Variants in ARFGEF1 observed in about 807,000 individuals in gnomAD.
ARFGEF1 encodes brefeldin A-inhibited guanine nucleotide-exchange protein 1.
ARFGEF1 carries 42 observed loss-of-function variants against 231.0 expected under a neutral mutation model. That is an observed-to-expected ratio of 0.18 (90% CI 0.14 to 0.24). ARFGEF1 has a LOEUF of 0.24. Among genes scored for constraint, ARFGEF1 ranks in the 10% least tolerant of loss-of-function variants. The probability of loss-of-function intolerance (pLI) is 1.00; values close to 1 mark genes in which losing one functional copy is unlikely to be tolerated. For synonymous variants in ARFGEF1, 710 were observed against 732.3 expected, an observed-to-expected ratio of 0.97 and a Z score of 0.49; for missense variants, 1,345 against 2,192.0, an observed-to-expected ratio of 0.61 and a Z score of 7.72.
chr8:67,278,600 C>T (rs1805405882), intron 7 of ARFGEF1, among the ~76,000 whole-genome samples: 1 of 152,136 alleles, frequency 6.6e-6, no homozygotes, highest in Admixed American at 6.5e-5. Flanking sequence ...GTAATCCCAG[C>T]ACTTTGGGAG....
chr8:67,217,516 A>G (rs1348189085), intron 32 of ARFGEF1, among the ~76,000 whole-genome samples: 1 of 152,224 alleles, frequency 6.6e-6, no homozygotes, highest in Non-Finnish European at 1.5e-5. Context: ...AAAATCTTAT[A>G]AAAGTCAGCA....
chr8:67,296,659 T>C (rs779072506), intron 4 of ARFGEF1, 49 bp from the exon 5 acceptor site: 3 of 1,463,046 alleles, frequency 2.1e-6, no homozygotes, highest in African/African-American at 1.4e-5. Flanking sequence ...TTTTTCTTTT[T>C]TTTTTTGGAG....
intron 19 of ARFGEF1, among the ~76,000 whole-genome samples, chr8:67,243,095 C>A (rs1273874713): frequency 6.6e-6 from 1 of 152,156 alleles, no homozygotes; most frequent in African/African-American, 2.4e-5. Context: ...GGGGGTAATC[C>A]AGAGAATTCT....
At chr8:67,202,014 C>A in intron 36 of ARFGEF1, 1 of 174,834 alleles carries the variant, frequency 5.7e-6, no homozygotes, top group Non-Finnish European at 1.2e-5. Context: ...CAGGAAGAGG[C>A]CCAGTGGAAT....
intron 5 of ARFGEF1, chr8:67,190,876 G>A (rs1012516760): frequency 2.8e-6 from 2 of 725,100 alleles, no homozygotes; most frequent in African/African-American, 1.7e-5. Context: ...TCAGACATGG[G>A]TCTGAATCTA....
downstream of ARFGEF1, among the ~76,000 whole-genome samples, chr8:67,194,984 TAAAA>T (rs536803405): frequency 1.7e-3 from 264 of 152,100 alleles, 2 homozygotes; most frequent in African/African-American, 6.2e-3. Flanking sequence ...TTAAAAAAAA[TAAAA>T]AGAAAAAAGA....
chr8:67,239,460 G>A (rs956949597), intron 20 of ARFGEF1, among the ~76,000 whole-genome samples: 16 of 151,668 alleles, frequency 1.1e-4, no homozygotes, highest in Admixed American at 9.2e-4. Flanking sequence ...AAGCAGAAAC[G>A]ACATACATTT....
chr8:67,330,752 C>A (rs768486467), intron 1 of ARFGEF1, among the ~76,000 whole-genome samples: 59 of 152,120 alleles, frequency 3.9e-4, no homozygotes, highest in Non-Finnish European at 8.4e-4. Context: ...AAGATCAAAG[C>A]ACATCAGAAA....
intron 1 of ARFGEF1, among the ~76,000 whole-genome samples, chr8:67,303,164 G>A (rs1381046803): frequency 6.6e-6 from 1 of 151,878 alleles, no homozygotes; most frequent in South Asian, 2.1e-4. Context: ...CAAAATGTAC[G>A]GCAGATGTTT....
chr8:67,320,018 C>T (rs551583308), intron 1 of ARFGEF1, among the ~76,000 whole-genome samples: 29 of 151,886 alleles, frequency 1.9e-4, no homozygotes, highest in African/African-American at 6.5e-4. Context: ...GTCAGGATTT[C>T]GAGACCAGCC....
At chr8:67,295,307 A>G (rs1161726421) in intron 5 of ARFGEF1, among the ~76,000 whole-genome samples, 1 of 152,152 alleles carries the variant, frequency 6.6e-6, no homozygotes, top group African/African-American at 2.4e-5. Context: ...CTCCCCAAAG[A>G]TATTTATTAA....
At chr8:67,181,674 T>G (rs560015392) in intron 5 of ARFGEF1, among the ~76,000 whole-genome samples, 1 of 152,226 alleles carries the variant, frequency 6.6e-6, no homozygotes. Context: ...TTTAAAATTG[T>G]AAAATACACA....
intron 23 of ARFGEF1, among the ~76,000 whole-genome samples, chr8:67,230,156 G>A (rs915109216): frequency 1.1e-4 from 16 of 152,076 alleles, no homozygotes; most frequent in Non-Finnish European, 1.5e-5. Context: ...CCGTATGGTA[G>A]AGCACAGCAG....
At chr8:67,275,517 G>C (rs1805276238) in intron 9 of ARFGEF1, among the ~76,000 whole-genome samples, 1 of 151,956 alleles carries the variant, frequency 6.6e-6, no homozygotes, top group Non-Finnish European at 1.5e-5. Flanking sequence ...ATTTCTTTTA[G>C]GTTTTAGTAC....
rs1348366298 is a variant in ARFGEF1 at position 67,238,346 on chromosome 8, G to A, written c.3286C>T (p.Leu1096=). Residue 1096 remains leucine, a synonymous_variant, in exon 22 of 39, where the codon CTA becomes TTA. Transcript: ENST00000262215. ...GATACTTTGTAAAAATTCTCACCTA[G>A]CCCTAAACCCACAAATTCATCAGGA... is the stretch of plus-strand genomic sequence containing the variant. ...QAPDEFVGLG[L]VGGNVDWKQI... 6.2e-7 allele frequency: 1 copy of A among 1,605,050 alleles called. No individual in the cohort carries two copies. The highest frequency in any genetic ancestry group is 1.1e-5 in the South Asian group (1 of 88,782).
chr8:67,221,758 C>T (rs182324189), intron 29 of ARFGEF1, among the ~76,000 whole-genome samples: 110 of 151,950 alleles, frequency 7.2e-4, no homozygotes, highest in African/African-American at 2.5e-3. Flanking sequence ...ATTTCCAGTC[C>T]GGCGAGTTCC....
intron 7 of ARFGEF1, among the ~76,000 whole-genome samples, chr8:67,281,826 T>C (rs1406215214): frequency 1.3e-5 from 2 of 151,922 alleles, no homozygotes; most frequent in African/African-American, 4.8e-5. Flanking sequence ...CAAAATATTA[T>C]CAAAACTAAA....
chr8:67,196,709 TAAG>T (rs1407529614), downstream of ARFGEF1, among the ~76,000 whole-genome samples: 1 of 152,206 alleles, frequency 6.6e-6, no homozygotes, highest in African/African-American at 2.4e-5. Context: ...CATCTGAAAG[TAAG>T]AAGAAAGCCT....
At chr8:67,249,589 TGCAGAAC>T (rs1840212295) in intron 19 of ARFGEF1, among the ~76,000 whole-genome samples, 2 of 150,384 alleles carry the variant, frequency 1.3e-5, no homozygotes, top group Non-Finnish European at 2.9e-5. Context: ...GAGGGGACAG[TGCAGAAC>T]TCTCAGAGAG....
Sources: gnomAD v4.1 joint callset for allele counts (sites outside exome capture counted in the v4.1 genomes callset) on GRCh38, gnomAD v4.1.1 for gene constraint, MANE v1.5 for transcripts, NCBI Gene and HGNC (gene_info 2026-07-23, HGNC 2026-07-21) for gene names.